CHIC1: variants seen among roughly 807,000 people sequenced by gnomAD.
CHIC1 encodes cysteine-rich hydrophobic domain-containing protein 1.
A neutral mutation model predicts 18.5 loss-of-function variants in CHIC1; 7 were observed. The observed-to-expected ratio is 0.38, with a 90% confidence interval of 0.22 to 0.71. CHIC1 has a LOEUF of 0.71. CHIC1 is among the 30% of genes least tolerant of loss of function. The probability of loss-of-function intolerance (pLI) is 0.49; values close to 1 mark genes in which losing one functional copy is unlikely to be tolerated. For synonymous variants in CHIC1, 77 were observed against 73.5 expected (o/e 1.05, Z -0.25); for missense variants, 159 against 176.9 (o/e 0.90, Z 0.57).
At chrX:73,576,634 T>C (rs1303518354) in intron 1 of CHIC1, among the ~76,000 whole-genome samples, 1 of 110,986 alleles carries the variant, frequency 9.0e-6, no homozygotes. Flanking sequence ...TAAATGTTAC[T>C]GTCTTTTCCT....
chrX:73,600,592 C>T lies in CHIC1; in HGVS notation c.507+16020C>T, dbSNP rs933867479. ...TTTTTTCTGCATCTATTGAGATAAT[C>T]ATGTGGTTTTTGTATTTGGCTCTGT... is the stretch of plus-strand genomic sequence containing the variant. On this transcript the variant is annotated intron_variant, in intron 3 of 5. Coordinates refer to ENST00000373502, the MANE Select transcript of CHIC1 (RefSeq NM_001039840.4). 6.5e-5 allele frequency among the ~76,000 whole-genome samples: 7 copies of T among 108,095 alleles called. 1 individual carries two copies. The highest frequency in any genetic ancestry group is 2.8e-4 in the East Asian group (1 of 3,527). The allele number at this position is 108,095 out of a possible 115,157, so 93.9% of individuals were successfully genotyped here.
At chrX:73,651,676 T>C (rs1344896386) in intron 3 of CHIC1, among the ~76,000 whole-genome samples, 1 of 110,899 alleles carries the variant, frequency 9.0e-6, no homozygotes, top group African/African-American at 3.3e-5. Flanking sequence ...TAATAAGGGA[T>C]GTGAAGGACC....
intron 3 of CHIC1, among the ~76,000 whole-genome samples, chrX:73,631,188 A>G (rs958576187): frequency 9.0e-6 from 1 of 111,320 alleles, no homozygotes; most frequent in Non-Finnish European, 1.9e-5. Context: ...TATCTTTTCA[A>G]AAAGACTCAT....
intron 3 of CHIC1, among the ~76,000 whole-genome samples, chrX:73,645,406 A>G (rs993579413): frequency 1.8e-5 from 2 of 111,394 alleles, no homozygotes; most frequent in African/African-American, 6.5e-5. Context: ...ACTTATTTCA[A>G]TTTTTTTGGA....
chrX:73,608,533 C>T (rs1012475215), intron 3 of CHIC1, among the ~76,000 whole-genome samples: 1 of 108,412 alleles, frequency 9.2e-6, no homozygotes. Context: ...TCCATAAGAG[C>T]AGACTGTCTT....
At chrX:73,590,633 C>T (rs182288106) in intron 3 of CHIC1, among the ~76,000 whole-genome samples, 34 of 111,549 alleles carry the variant, frequency 3.0e-4, no homozygotes, top group Admixed American at 9.5e-5. Flanking sequence ...ATCCCACCCG[C>T]ATATCCTGAG....
At chrX:73,564,607 A>G (rs1356173638) in intron 1 of CHIC1, among the ~76,000 whole-genome samples, 1 of 110,644 alleles carries the variant, frequency 9.0e-6, no homozygotes, top group Non-Finnish European at 1.9e-5. Flanking sequence ...TGTCATGTTC[A>G]TCCTCTGAAC....
At chrX:73,651,740 G>A (rs1018586829) in intron 3 of CHIC1, among the ~76,000 whole-genome samples, 2 of 111,196 alleles carry the variant, frequency 1.8e-5, no homozygotes, top group Non-Finnish European at 3.8e-5. Context: ...AATAAGAGAG[G>A]ACACAAACAA....
intron 3 of CHIC1, among the ~76,000 whole-genome samples, chrX:73,602,868 G>A (rs1043112511): frequency 9.2e-6 from 1 of 108,711 alleles, no homozygotes. Flanking sequence ...CTGTTCCATT[G>A]ATCTATATAT....
intron 3 of CHIC1, among the ~76,000 whole-genome samples, chrX:73,632,763 CTTTTTTTTTTT>C (rs778008597): frequency 3.1e-5 from 2 of 63,654 alleles, no homozygotes; most frequent in Non-Finnish European, 6.0e-5. Context: ...TATTGTTATT[CTTTTTTTTTTT>C]TTTTTTTTTT....
chrX:73,658,609 G>A (rs1335304702), intron 3 of CHIC1, among the ~76,000 whole-genome samples: 3 of 107,764 alleles, frequency 2.8e-5, no homozygotes, highest in Non-Finnish European at 5.8e-5. Flanking sequence ...TTTTTTGAAG[G>A]TTTCTTTTTG....
chrX:73,651,549 A>G (rs1452470889), intron 3 of CHIC1, among the ~76,000 whole-genome samples: 1 of 111,267 alleles, frequency 9.0e-6, no homozygotes, highest in Non-Finnish European at 1.9e-5. Flanking sequence ...TACAAAATCA[A>G]TGTGCAAAAA....
At chrX:73,678,663 C>T (rs1296044188) in intron 3 of CHIC1, among the ~76,000 whole-genome samples, 1 of 112,417 alleles carries the variant, frequency 8.9e-6, no homozygotes, top group African/African-American at 3.2e-5. Context: ...ACATTATGTA[C>T]TCCTTACAAA....
intron 3 of CHIC1, among the ~76,000 whole-genome samples, chrX:73,596,617 A>G (rs1050746190): frequency 9.0e-6 from 1 of 111,338 alleles, no homozygotes; most frequent in Non-Finnish European, 1.9e-5. Flanking sequence ...ACACTATCTG[A>G]CTTCAAACTA....
At chrX:73,633,995 G>A (rs1475603995) in intron 3 of CHIC1, among the ~76,000 whole-genome samples, 1 of 111,801 alleles carries the variant, frequency 8.9e-6, no homozygotes, top group African/African-American at 3.3e-5. Flanking sequence ...TCCTTAAGAT[G>A]ATTATTTTGA....
chrX:73,593,240 C>A (rs1355109725), intron 3 of CHIC1, among the ~76,000 whole-genome samples: 3 of 111,044 alleles, frequency 2.7e-5, no homozygotes, highest in Admixed American at 1.9e-4. Context: ...CTTCTGCTAG[C>A]TTTGTTAGTT....
Position 73,605,986 on chromosome X carries a change from T to C in CHIC1, c.507+21414T>C, listed in dbSNP as rs1484832594. Among the ~76,000 whole-genome samples the C allele has an allele frequency of 3.7e-5, 4 of 108,254 alleles. No homozygotes were observed. In the East Asian group the frequency reaches 1.1e-3, roughly 31 times the overall value. 94.0% of individuals were successfully genotyped at this position (108,254 alleles called of 115,157 possible). A position where few individuals can be genotyped will look rare whatever the true frequency, so the allele number is the denominator to read the frequency against. ...ATTATGTGTCTTGGAGTTGCTCTTC[T>C]CGAGGTGTATCTTTGTGGTGTTCTC... is the stretch of plus-strand genomic sequence containing the variant. On this transcript the variant is annotated intron_variant, in intron 3 of 5. Transcript: ENST00000373502.
Position 73,563,512 on chromosome X carries a change from G to A in CHIC1, c.228G>A (p.Val76=). The change falls in exon 1 of 6, where the codon GTG becomes GTA. Residue 76 remains valine (V), a synonymous_variant. Transcript: ENST00000373502. ...AAGCGCCGCCCCCGCCTCGGGTAGT[G>A]AGCGAGGAGCATCTGCGGAGATATG... The part of the protein sequence containing the change: ...EEEAPPPPRV[V]SEEHLRRYAP... 4 of 1,160,632 alleles carry A rather than the reference G, an allele frequency of 3.4e-6. No homozygotes were observed. The highest frequency in any genetic ancestry group is 3.5e-6 in the Non-Finnish European group (3 of 869,378).
At chrX:73,663,563 C>T (rs1470918322) in intron 3 of CHIC1, among the ~76,000 whole-genome samples, 3 of 110,816 alleles carry the variant, frequency 2.7e-5, no homozygotes, top group African/African-American at 3.3e-5. Context: ...GCTTCCCTGA[C>T]GCTGACAATT....
Sources: gnomAD v4.1 joint callset for allele counts (sites outside exome capture counted in the v4.1 genomes callset) on GRCh38, gnomAD v4.1.1 for gene constraint, MANE v1.5 for transcripts, NCBI Gene and HGNC (gene_info 2026-07-23, HGNC 2026-07-21) for gene names.